Variants in VAV3 observed in about 807,000 individuals in gnomAD.
VAV3 encodes the protein vav guanine nucleotide exchange factor 3, also known as guanine nucleotide exchange factor VAV3.
VAV3 carries 94 observed loss-of-function variants against 131.2 expected under a neutral mutation model. The ratio of observed to expected loss-of-function variants is 0.72; its 90% CI spans 0.61 to 0.85. The LOEUF (loss-of-function observed/expected upper bound fraction) is 0.85, where lower values mean the gene tolerates loss of function less well. Among genes scored for constraint, VAV3 ranks in the 40% least tolerant of loss-of-function variants. The pLI is 0.00. For synonymous variants in VAV3, 349 were observed against 342.0 expected, an observed-to-expected ratio of 1.02 and a Z score of -0.22; for missense variants, 939 against 1,002.7, an observed-to-expected ratio of 0.94 and a Z score of 0.86.
chr1:107,748,347 T>C (rs937964204), intron 15 of VAV3, among the ~76,000 whole-genome samples: 2 of 152,204 alleles, frequency 1.3e-5, no homozygotes, highest in African/African-American at 4.8e-5. Flanking sequence ...AATGACCTGT[T>C]CTTGGTTATT....
intron 2 of VAV3, among the ~76,000 whole-genome samples, chr1:107,852,455 GC>G (rs1669270229): frequency 6.6e-6 from 1 of 152,122 alleles, no homozygotes; most frequent in African/African-American, 2.4e-5. Context: ...TAACATTTTG[GC>G]AAGCTTCCTT....
rs138200097 is a variant in VAV3 at position 107,784,035 on chromosome 1, G to T, written c.322-4543C>A. Among the ~76,000 whole-genome samples, 1,174 of 150,296 alleles carry T rather than the reference G, an allele frequency of 7.8e-3. 9 individuals carry two copies. Among genetic ancestry groups the T allele is most frequent in the East Asian group, 0.016 (80 of 5,074 alleles). On this transcript the variant is annotated intron_variant, in intron 2 of 26. Coordinates refer to ENST00000370056, the MANE Select transcript of VAV3 (RefSeq NM_006113.5). ...AGATAGTGCCACTGCACTCCAGCCT[G>T]GGTGACAGAGCAAGACCCTATCTCA...
At chr1:107,694,993 G>A (rs1213226373) in intron 17 of VAV3, among the ~76,000 whole-genome samples, 2 of 152,044 alleles carry the variant, frequency 1.3e-5, no homozygotes, top group Non-Finnish European at 2.9e-5. Context: ...TCAAAGTGGG[G>A]GCAACATCTG....
intron 1 of VAV3, among the ~76,000 whole-genome samples, chr1:107,876,626 G>A (rs1245406465): frequency 6.6e-6 from 1 of 152,060 alleles, no homozygotes; most frequent in Non-Finnish European, 1.5e-5. Context: ...CAGGGAGATA[G>A]GAGGGAAGGC....
chr1:107,902,016 CT>C (rs1671880779), intron 1 of VAV3, among the ~76,000 whole-genome samples: 1 of 150,500 alleles, frequency 6.6e-6, no homozygotes, highest in Non-Finnish European at 1.5e-5. Flanking sequence ...GCACTCTGGC[CT>C]TGACTACAAG....
chr1:107,671,824 T>C, intron 19 of VAV3, among the ~76,000 whole-genome samples: 1 of 152,336 alleles, frequency 6.6e-6, no homozygotes, highest in South Asian at 2.1e-4. Context: ...AGTATTTATA[T>C]TTGTTTAAAA....
chr1:107,603,147 C>T lies in VAV3; in HGVS notation c.2032G>A (p.Glu678Lys), dbSNP rs767109206. 1.2e-6 allele frequency: 2 copies of T among 1,613,108 alleles called. No homozygotes were observed. The highest frequency in any genetic ancestry group is 1.7e-6 in the Non-Finnish European group (2 of 1,179,524). ...AGTTCGGTCTCTGCTTGCAATCTTTCCATTGCTCCAGCATACCTGTAAAAA... is the reference window on the plus strand; with the variant it reads ...AGTTCGGTCTCTGCTTGCAATCTTTTCATTGCTCCAGCATACCTGTAAAAA... ...SCQPWYAGAMERLQAETELIN... is the reference protein window; with the variant it reads ...SCQPWYAGAMKRLQAETELIN... Residue 678 changes from glutamate (E) to lysine (K), a missense_variant, in exon 23 of 27, where the codon GAA (glutamate) becomes AAA (lysine). Physicochemically the swap from Glu to Lys is moderately conservative, Grantham distance 56. Coordinates refer to ENST00000370056, the MANE Select transcript of VAV3 (RefSeq NM_006113.5).
intron 25 of VAV3, among the ~76,000 whole-genome samples, chr1:107,582,589 G>A (rs1187440466): frequency 1.6e-5 from 2 of 125,716 alleles, no homozygotes; most frequent in South Asian, 2.6e-4. Flanking sequence ...CAGTCCCCAG[G>A]GTGTGATGTT....
chr1:107,845,393 C>T (rs1046448187), intron 2 of VAV3, among the ~76,000 whole-genome samples: 2 of 152,168 alleles, frequency 1.3e-5, no homozygotes, highest in African/African-American at 2.4e-5. Flanking sequence ...GCCTCTCATC[C>T]TCCAAAGGAT....
At chr1:107,761,252 T>G (rs1024374345) in intron 9 of VAV3, among the ~76,000 whole-genome samples, 5 of 151,626 alleles carry the variant, frequency 3.3e-5, no homozygotes, top group South Asian at 2.1e-4. Flanking sequence ...AATTAGCCGG[T>G]CATGGTGGCA....
At chr1:107,834,246 A>T (rs1383598334) in intron 2 of VAV3, among the ~76,000 whole-genome samples, 3 of 152,170 alleles carry the variant, frequency 2.0e-5, no homozygotes, top group African/African-American at 7.2e-5. Context: ...TACACCCGTA[A>T]ATTATTCCAA....
chr1:107,672,753 C>CA, intron 19 of VAV3, among the ~76,000 whole-genome samples: 1 of 151,960 alleles, frequency 6.6e-6, no homozygotes, highest in Middle Eastern at 3.5e-3. Context: ...TACACATAGC[C>CA]AAAAACATTA....
chr1:107,900,053 A>C (rs558087776), intron 1 of VAV3, among the ~76,000 whole-genome samples: 4 of 152,180 alleles, frequency 2.6e-5, no homozygotes, highest in Non-Finnish European at 5.9e-5. Context: ...CACTAAAATT[A>C]TCTCTTCTTC....
rs143668555 is a variant in VAV3 at position 107,674,677 on chromosome 1, C to T, written c.1777+8811G>A. On this transcript the variant is annotated intron_variant, in intron 19 of 26. Transcript: ENST00000370056. ...TGTGACCTTGGTTGAAGTACTTAAC[C>T]TCTCAGAACTTTGGTTCCCTCTGCT... 1.4e-3 allele frequency among the ~76,000 whole-genome samples: 216 copies of T among 152,294 alleles called. 1 individual carries two copies. Among genetic ancestry groups the T allele is most frequent in the Admixed American group, 4.9e-3 (75 of 15,296 alleles).
intron 4 of VAV3, among the ~76,000 whole-genome samples, chr1:107,773,990 A>G (rs1665195940): frequency 6.6e-6 from 1 of 152,174 alleles, no homozygotes; most frequent in South Asian, 2.1e-4. Flanking sequence ...AACCTTGCTG[A>G]AGTCCTACAT....
At chr1:107,688,522 C>A in intron 17 of VAV3, 116 bp from the exon 18 acceptor site, 3 of 1,559,172 alleles carry the variant, frequency 1.9e-6, no homozygotes, top group Non-Finnish European at 2.6e-6. Context: ...TAACTGATAC[C>A]TGTAATATAT....
intron 2 of VAV3, among the ~76,000 whole-genome samples, chr1:107,782,235 C>T (rs11578263): frequency 0.083 from 12,621 of 152,142 alleles, 797 homozygotes; most frequent in East Asian, 0.27. Context: ...CATTTTACTC[C>T]TTGAGGATAT....
In VAV3 at chr1:107,777,228, T is replaced by C. The variant is rs1665409695; in HGVS notation, c.446+3A>G. 1 of 1,613,742 alleles carries C rather than the reference T, an allele frequency of 6.2e-7. No individual in the cohort carries two copies. The highest frequency in any genetic ancestry group is 8.5e-7 in the Non-Finnish European group (1 of 1,179,670). On this transcript the variant is annotated splice_donor_region_variant and intron_variant, in intron 4 of 26. Transcript: ENST00000370056. ...TAAATTTTGCTTGAAATTTTCAACA[T>C]ACTCTATTAAATCAGGAAGGCCTTT...
chr1:107,812,960 A>G (rs946541039), intron 2 of VAV3, among the ~76,000 whole-genome samples: 1 of 151,952 alleles, frequency 6.6e-6, no homozygotes, highest in Non-Finnish European at 1.5e-5. Context: ...CATCTCTACT[A>G]AAAATACAAA....
Sources: allele counts gnomAD v4.1 joint callset (sites outside exome capture counted in the v4.1 genomes callset), GRCh38; gene constraint gnomAD v4.1.1; transcripts MANE v1.5; gene names NCBI Gene and HGNC (gene_info 2026-07-23, HGNC 2026-07-21).